The following SPDYE10 variants were observed in gnomAD, a reference collection of about 807,000 sequenced individuals.
The protein encoded by SPDYE10 is speedy/RINGO cell cycle regulator family member E10.
chr7:73,114,807 GGGTTACA>G, the SPDYE10 span, among the ~76,000 whole-genome samples: 3 of 150,468 alleles, frequency 2.0e-5, no homozygotes, highest in African/African-American at 4.9e-5. Flanking sequence ...CAAAGTGCTG[GGGTTACA>G]GGTTGGAGCC....
At chr7:73,113,788 C>T in the SPDYE10 span, among the ~76,000 whole-genome samples, 51 of 151,942 alleles carry the variant, frequency 3.4e-4, no homozygotes, top group African/African-American at 1.2e-3. Context: ...GTAATCCCAG[C>T]ACTTTGGGAG....
At chr7:73,130,397 G>A in the SPDYE10 span, among the ~76,000 whole-genome samples, 2 of 151,978 alleles carry the variant, frequency 1.3e-5, no homozygotes, top group African/African-American at 4.8e-5. Flanking sequence ...AAGGAAAGGG[G>A]AATTTAGATA....
chr7:73,155,029 CCTCG>C, the SPDYE10 span: 1 of 163,336 alleles, frequency 6.1e-6, no homozygotes, highest in Non-Finnish European at 1.3e-5. Flanking sequence ...GCGCTGCCTC[CCTCG>C]CCCCGCGGCT....
At chr7:73,127,396 A>G in the SPDYE10 span, among the ~76,000 whole-genome samples, 2 of 118,386 alleles carry the variant, frequency 1.7e-5, no homozygotes, top group Non-Finnish European at 3.7e-5. Context: ...ACTAAAAATG[A>G]AAAAAAAAAA....
the SPDYE10 span, chr7:73,155,018 G>C: frequency 6.0e-6 from 1 of 165,482 alleles, no homozygotes; most frequent in Non-Finnish European, 1.2e-5. Context: ...CTGCTCTGCC[G>C]GCGCTGCCTC....
At chr7:73,155,003 G>C in the SPDYE10 span, 1 of 161,664 alleles carries the variant, frequency 6.2e-6, no homozygotes, top group South Asian at 1.8e-4. Context: ...TCGGCCCCTC[G>C]GCTGCTGCTC....
the SPDYE10 span, among the ~76,000 whole-genome samples, chr7:73,127,690 G>T: frequency 8.7e-6 from 1 of 114,292 alleles, no homozygotes; most frequent in Admixed American, 9.1e-5. Context: ...ATTCACAGAA[G>T]GAAAACCCAA....
chr7:73,142,799 G>A, the SPDYE10 span, among the ~76,000 whole-genome samples: 12 of 152,074 alleles, frequency 7.9e-5, no homozygotes, highest in Non-Finnish European at 1.8e-4. Context: ...CGGGTGTGGT[G>A]GTGGGCGCCT....
chr7:73,126,768 C>T, the SPDYE10 span, among the ~76,000 whole-genome samples: 1 of 150,170 alleles, frequency 6.7e-6, no homozygotes, highest in Admixed American at 6.6e-5. Context: ...GCCTCAAACT[C>T]CTGGGCTCAA....
At chr7:73,111,733 C>G in the SPDYE10 span, among the ~76,000 whole-genome samples, 1 of 45,912 alleles carries the variant, frequency 2.2e-5, no homozygotes, top group Admixed American at 2.5e-4. Flanking sequence ...CCCAGGTTCT[C>G]CTTCCTGACC....
chr7:73,123,765 T>TCTCTCTC, the SPDYE10 span, among the ~76,000 whole-genome samples: 1 of 82,326 alleles, frequency 1.2e-5, no homozygotes, highest in Non-Finnish European at 2.9e-5. Context: ...GCCATTTCCT[T>TCTCTCTC]TCTCTCTCTC....
At chr7:73,135,890 T>C in the SPDYE10 span, among the ~76,000 whole-genome samples, 1 of 132,590 alleles carries the variant, frequency 7.5e-6, no homozygotes, top group Non-Finnish European at 1.6e-5. Context: ...TTTTTTTTTT[T>C]TTTTTTTGAG....
At chr7:73,134,850 C>T in the SPDYE10 span, among the ~76,000 whole-genome samples, 19 of 152,316 alleles carry the variant, frequency 1.2e-4, no homozygotes, top group East Asian at 2.1e-3. Flanking sequence ...CAACAGAAAC[C>T]GCACAGGCAA....
chr7:73,113,820 G>A, the SPDYE10 span, among the ~76,000 whole-genome samples: 1 of 151,994 alleles, frequency 6.6e-6, no homozygotes, highest in African/African-American at 2.4e-5. Flanking sequence ...TGGATCACGA[G>A]ATCAGGAGAT....
chr7:73,123,247 C>T, the SPDYE10 span, among the ~76,000 whole-genome samples: 1 of 152,162 alleles, frequency 6.6e-6, no homozygotes, highest in East Asian at 1.9e-4. Flanking sequence ...CAGGGCAGAG[C>T]AGAAGCAAAT....
At chr7:73,115,150 C>T in the SPDYE10 span, among the ~76,000 whole-genome samples, 2 of 151,920 alleles carry the variant, frequency 1.3e-5, no homozygotes, top group Non-Finnish European at 2.9e-5. Context: ...CCCGCCTCAG[C>T]CTCCTAAAGT....
At chr7:73,142,986 GGAAGGA>G in the SPDYE10 span, among the ~76,000 whole-genome samples, 160 of 114,278 alleles carry the variant, frequency 1.4e-3, 1 homozygote, top group Non-Finnish European at 1.7e-3. Flanking sequence ...GAGGGAGGAA[GGAAGGA>G]AGGAAGGAAG....
At chr7:73,114,939 C>T in the SPDYE10 span, among the ~76,000 whole-genome samples, 1 of 149,476 alleles carries the variant, frequency 6.7e-6, no homozygotes, top group Non-Finnish European at 1.5e-5. Flanking sequence ...CGGAGTCTCG[C>T]TCTGTCATCC....
chr7:73,141,000 A>G, the SPDYE10 span, among the ~76,000 whole-genome samples: 1 of 146,842 alleles, frequency 6.8e-6, no homozygotes, highest in Non-Finnish European at 1.5e-5. Context: ...TTGGGAAGCC[A>G]AGGCAGGAGG....
Sources: allele counts gnomAD v4.1 joint callset (sites outside exome capture counted in the v4.1 genomes callset), GRCh38; gene constraint gnomAD v4.1.1; transcripts MANE v1.5; gene names NCBI Gene and HGNC (gene_info 2026-07-23, HGNC 2026-07-21).